Variants in C3orf52 observed in about 807,000 individuals in gnomAD.
C3orf52 encodes the protein TPA-induced transmembrane protein.
C3orf52 carries 22 observed loss-of-function variants against 24.8 expected under a neutral mutation model. The ratio of observed to expected loss-of-function variants is 0.89; its 90% CI spans 0.63 to 1.27. The LOEUF (loss-of-function observed/expected upper bound fraction) is 1.27, where lower values mean the gene tolerates loss of function less well. Ranked by LOEUF, C3orf52 falls within the 50% of genes most tolerant of loss-of-function variation. The probability of loss-of-function intolerance (pLI) is 0.00; values close to 1 mark genes in which losing one functional copy is unlikely to be tolerated. For missense variants in C3orf52, 265 were observed against 260.7 expected (o/e 1.02, Z -0.11); for synonymous variants, 93 against 100.2 (o/e 0.93, Z 0.43).
downstream of C3orf52, chr3:112,119,492 T>A (rs1280436575): frequency 2.8e-6 from 2 of 702,916 alleles, no homozygotes; most frequent in Non-Finnish European, 5.2e-6. Context: ...AGCCGAATCC[T>A]GAAGCACTGG....
rs545208237 is a variant in C3orf52 at position 112,112,988 on chromosome 3, T to C, written c.492T>C (p.Tyr164=). Residue 164 remains tyrosine, a synonymous_variant, in exon 5 of 6, where the codon TAT becomes TAC. Coordinates refer to ENST00000264848, the MANE Select transcript of C3orf52 (RefSeq NM_024616.3). ...GTGGTGAAAATGCCACAGTAACGTA[T>C]GACCTGCAATTTGGGGTTCCATCAG... ...DFSGENATVT[Y]DLQFGVPSDD... 7.5e-6 allele frequency: 12 copies of C among 1,608,154 alleles called. No individual in the cohort carries two copies. The highest frequency in any genetic ancestry group is 4.0e-5 in the African/African-American group (3 of 75,002).
Position 112,113,116 on chromosome 3 carries a change from G to A in C3orf52, c.620G>A (p.Gly207Glu). 1 of 1,610,126 alleles carries A rather than the reference G, an allele frequency of 6.2e-7. No homozygotes were observed. Among genetic ancestry groups the A allele is most frequent in the Non-Finnish European group, 8.5e-7 (1 of 1,178,358 alleles). ...AATATACCTGGTTGTGAGAGTCTGG[G>A]GCTTGATCCAACATCCCTCTTGCTC... ...DQNIPGCESL[G>E]LDPTSLLLYE Residue 207 changes from glycine (G) to glutamate (E), a missense_variant, in exon 5 of 6, where the codon GGG becomes GAG. Coordinates refer to ENST00000264848, the MANE Select transcript of C3orf52 (RefSeq NM_024616.3).
chr3:112,123,899 G>T, intron 4 of C3orf52: 1 of 996,648 alleles, frequency 1.0e-6, no homozygotes, highest in Admixed American at 2.4e-5. Flanking sequence ...CCATCTCTTG[G>T]CCATTTTTTT....
intron 4 of C3orf52, chr3:112,125,272 A>T: frequency 6.5e-7 from 1 of 1,544,470 alleles, no homozygotes; most frequent in East Asian, 2.2e-5. Flanking sequence ...AAGAAAATAC[A>T]CTCAATGAAT....
At chr3:112,132,831 G>C, downstream of C3orf52, 1 of 440,212 alleles carries the variant, frequency 2.3e-6, no homozygotes, top group Admixed American at 4.4e-5. Flanking sequence ...CTATTATATA[G>C]ACCTTCCTTG....
In C3orf52 at chr3:112,116,984, C is replaced by T. The variant is rs79310241; in HGVS notation, c.*338C>T. On this transcript the variant is annotated 3_prime_UTR_variant, in exon 6 of 6. Transcript: ENST00000264848. ...CGTTTTGTTTTTTGAGACAGGGTCT[C>T]GTTCTGTCGCTTAGCTGGAGTGCGG... 3.0e-3 allele frequency: 4,388 copies of T among 1,475,714 alleles called. 109 individuals are homozygous for T. In the African/African-American group the frequency reaches 0.054, roughly 18 times the overall value. 91.4% of individuals were successfully genotyped at this position (1,475,714 alleles called of 1,614,324 possible). A position where few individuals can be genotyped will look rare whatever the true frequency, so the allele number is the denominator to read the frequency against.
At chr3:112,128,871 G>C (rs780204108), downstream of C3orf52, 2 of 152,320 alleles carry the variant, frequency 1.3e-5, no homozygotes, top group Non-Finnish European at 2.9e-5. Flanking sequence ...GAATGTGAAA[G>C]CCCTTTATAA....
At position 112,117,205 on chromosome 3, in the gene C3orf52, C is replaced by T. The variant is rs574804777; in HGVS notation, c.*559C>T. 11 of 529,596 alleles carry T rather than the reference C, an allele frequency of 2.1e-5. No homozygotes were observed. Among genetic ancestry groups the T allele is most frequent in the East Asian group, 8.7e-5 (3 of 34,682 alleles). 32.8% of individuals were successfully genotyped at this position (529,596 alleles called of 1,614,324 possible). ...AGTCATCCTCCTCCCCCCCACCATT[C>T]GATTTGATCTACCTCTAAGCCAGGC... is the stretch of plus-strand genomic sequence containing the variant. On this transcript the variant is annotated 3_prime_UTR_variant, in exon 6 of 6. Transcript: ENST00000264848.
At chr3:112,132,315 C>T (rs2074475909), downstream of C3orf52, among the ~76,000 whole-genome samples, 1 of 152,130 alleles carries the variant, frequency 6.6e-6, no homozygotes, top group Admixed American at 6.5e-5. Flanking sequence ...GGATTCCAAA[C>T]ATAACCCTGT....
intron 4 of C3orf52, chr3:112,128,161 C>G (rs2074371926): frequency 9.9e-7 from 1 of 1,009,818 alleles, no homozygotes; most frequent in African/African-American, 1.6e-5. Flanking sequence ...AACTTTTTTT[C>G]TCCCCGCAAG....
chr3:112,125,049 G>T (rs374827496), intron 4 of C3orf52, among the ~76,000 whole-genome samples: 76 of 152,280 alleles, frequency 5.0e-4, no homozygotes, highest in African/African-American at 1.7e-3. Flanking sequence ...AGCAGAAGTG[G>T]CTGCTGCTTC....
intron 2 of C3orf52, among the ~76,000 whole-genome samples, chr3:112,097,010 C>A (rs2073932201): frequency 6.6e-6 from 1 of 152,056 alleles, no homozygotes; most frequent in African/African-American, 2.4e-5. Context: ...TTTTTAATGT[C>A]CATTTTTATG....
intron 3 of C3orf52, 111 bp downstream of exon 3, chr3:112,103,076 G>A (rs1417731991): frequency 3.1e-6 from 3 of 956,326 alleles, no homozygotes; most frequent in Non-Finnish European, 4.7e-6. Flanking sequence ...TGGATTCTTT[G>A]TCTGGATTTT....
chr3:112,132,567 A>G (rs981791853), downstream of C3orf52: 1 of 701,374 alleles, frequency 1.4e-6, no homozygotes, highest in Non-Finnish European at 1.8e-6. Flanking sequence ...TCTACTTAAA[A>G]TAAAGAGGCT....
intron 3 of C3orf52, among the ~76,000 whole-genome samples, chr3:112,105,716 G>A (rs1430585529): frequency 2.0e-5 from 3 of 151,848 alleles, no homozygotes; most frequent in Non-Finnish European, 4.4e-5. Context: ...TGCCAGTTAC[G>A]GGAGGCTGAG....
chr3:112,108,281 C>G (rs1400278820), intron 3 of C3orf52, among the ~76,000 whole-genome samples: 2 of 151,904 alleles, frequency 1.3e-5, no homozygotes, highest in Admixed American at 1.3e-4. Context: ...CGAGGCAGTA[C>G]AAATTAAAAC....
intron 2 of C3orf52, among the ~76,000 whole-genome samples, chr3:112,094,290 T>G (rs2073906030): frequency 6.6e-6 from 1 of 152,224 alleles, no homozygotes; most frequent in Non-Finnish European, 1.5e-5. Flanking sequence ...CCACCATGCT[T>G]GGCCCAATTT....
downstream of C3orf52, among the ~76,000 whole-genome samples, chr3:112,120,268 A>G (rs1392758291): frequency 6.6e-6 from 1 of 152,196 alleles, no homozygotes; most frequent in East Asian, 1.9e-4. Flanking sequence ...AACAGAATCT[A>G]CTTTTCCCTG....
chr3:112,096,044 G>C (rs1222524782), intron 2 of C3orf52, among the ~76,000 whole-genome samples: 1 of 152,140 alleles, frequency 6.6e-6, no homozygotes, highest in African/African-American at 2.4e-5. Flanking sequence ...GGATTTACTG[G>C]GTGACTAAGG....
Sources: allele counts gnomAD v4.1 joint callset (sites outside exome capture counted in the v4.1 genomes callset), GRCh38; gene constraint gnomAD v4.1.1; transcripts MANE v1.5; gene names NCBI Gene and HGNC (gene_info 2026-07-23, HGNC 2026-07-21).